CD6: variants seen among roughly 807,000 people sequenced by gnomAD.
CD6 encodes the protein T-cell differentiation antigen CD6.
In CD6, 53 loss-of-function variants were observed where a neutral mutation model predicts 75.3. The observed-to-expected ratio is 0.70, with a 90% CI of 0.56 to 0.88. The LOEUF (loss-of-function observed/expected upper bound fraction) is 0.88. Among genes scored for constraint, CD6 ranks in the 40% least tolerant of loss-of-function variants. The pLI is 0.00. For synonymous variants in CD6, 359 were observed against 381.5 expected (o/e 0.94, Z 0.69); for missense variants, 770 against 897.1 (o/e 0.86, Z 1.81).
chr11:61,017,658 C>G, intron 10 of CD6, 101 bp from the exon 11 acceptor site: 2 of 1,584,624 alleles, frequency 1.3e-6, no homozygotes, highest in Non-Finnish European at 1.7e-6. Context: ...TCTTTCCTGA[C>G]TTTCACAAAT....
At chr11:61,005,087 C>T (rs755991986) in intron 1 of CD6, among the ~76,000 whole-genome samples, 11 of 152,222 alleles carry the variant, frequency 7.2e-5, no homozygotes, top group South Asian at 2.1e-4. Flanking sequence ...AGTTTAAATC[C>T]GGGCTCTGCA....
intron 1 of CD6, among the ~76,000 whole-genome samples, chr11:60,992,332 CTT>C (rs35718014): frequency 1.4e-5 from 2 of 146,064 alleles, no homozygotes. Context: ...GCTTGTGAGG[CTT>C]TTTTTTTTTA....
At chr11:60,990,423 C>T (rs1858014340) in intron 1 of CD6, among the ~76,000 whole-genome samples, 2 of 152,082 alleles carry the variant, frequency 1.3e-5, no homozygotes, top group South Asian at 2.1e-4. Context: ...GGGGTTTCAC[C>T]ATGTTGGTCA....
intron 1 of CD6, among the ~76,000 whole-genome samples, chr11:60,988,203 G>A (rs1857905864): frequency 6.6e-6 from 1 of 152,232 alleles, no homozygotes; most frequent in African/African-American, 2.4e-5. Context: ...AGCCTTCACA[G>A]GCTCCTCATG....
rs1859573127 is a variant in CD6 at position 61,019,397 on chromosome 11, C to G, written c.*79C>G. 2 of 1,135,698 alleles carry G rather than the reference C, an allele frequency of 1.8e-6. No homozygotes were observed. The highest frequency in any genetic ancestry group is 2.5e-6 in the Non-Finnish European group (2 of 789,426). The allele number at this position is 1,135,698 out of a possible 1,614,324, so 70.4% of individuals were successfully genotyped here. A position where few individuals can be genotyped will look rare whatever the true frequency, so the allele number is the denominator to read the frequency against. On this transcript the variant is annotated 3_prime_UTR_variant, in exon 13 of 13. Transcript: ENST00000313421. ...TACCTACTCCCTTTCCCCTTTCCCA[C>G]CCTCCCAGCTCACCTCCCCATGGAG...
rs1189918022 is a variant in CD6 at position 60,971,813 on chromosome 11, A to G, written c.-53A>G. 43 of 1,597,510 alleles carry G rather than the reference A, an allele frequency of 2.7e-5. No homozygotes were observed. Among genetic ancestry groups the G allele is most frequent in the Admixed American group, 3.4e-5 (2 of 59,240 alleles). On this transcript the variant is annotated 5_prime_UTR_variant, in exon 1 of 13. Transcript: ENST00000313421. ...CGGCCGTGTCCACCTCCCGGCCCCAAGATGGTGCTTCCCACAGGCAGCCAC... is the reference window on the plus strand; with the variant it reads ...CGGCCGTGTCCACCTCCCGGCCCCAGGATGGTGCTTCCCACAGGCAGCCAC...
At chr11:60,993,529 C>T (rs567753530) in intron 1 of CD6, among the ~76,000 whole-genome samples, 2 of 145,538 alleles carry the variant, frequency 1.4e-5, no homozygotes, top group Admixed American at 6.9e-5. Flanking sequence ...ATCACCCACC[C>T]GTGCACTCTT....
At chr11:60,990,048 T>C (rs1298883917) in intron 1 of CD6, among the ~76,000 whole-genome samples, 3 of 152,194 alleles carry the variant, frequency 2.0e-5, no homozygotes, top group African/African-American at 7.2e-5. Flanking sequence ...ACTAAAATTT[T>C]ATTTAGTAAA....
chr11:60,994,105 C>T (rs920951841), intron 1 of CD6, among the ~76,000 whole-genome samples: 1 of 152,084 alleles, frequency 6.6e-6, no homozygotes, highest in African/African-American at 2.4e-5. Context: ...CACAGGTGAA[C>T]ATCATCTGTC....
At chr11:61,016,462 G>T (rs1313471823) in intron 9 of CD6, among the ~76,000 whole-genome samples, 3 of 152,250 alleles carry the variant, frequency 2.0e-5, no homozygotes. Flanking sequence ...TTATCAGTCA[G>T]GATGAGAATT....
Position 61,020,086 on chromosome 11 carries a change from C to T in CD6, c.*768C>T. 2.5e-6 allele frequency: 1 copy of T among 398,578 alleles called. No individual in the cohort carries two copies. Among genetic ancestry groups the T allele is most frequent in the Non-Finnish European group, 4.4e-6 (1 of 226,136 alleles). 24.7% of individuals were successfully genotyped at this position (398,578 alleles called of 1,614,324 possible). A position where few individuals can be genotyped will look rare whatever the true frequency, so the allele number is the denominator to read the frequency against. On this transcript the variant is annotated 3_prime_UTR_variant, in exon 13 of 13. Coordinates refer to ENST00000313421, the MANE Select transcript of CD6 (RefSeq NM_006725.5). ...AGTTTCCTATGGTTTACAAAGAGGG[C>T]CCCAGCCCAGCCCCACCACAGATCC...
intron 9 of CD6, 72 bp from the exon 10 acceptor site, chr11:61,017,407 C>T: frequency 2.4e-6 from 3 of 1,254,816 alleles, no homozygotes; most frequent in South Asian, 2.5e-5. Context: ...CCGGGAAATC[C>T]AGCCTCTTCT....
At chr11:60,994,465 A>AAAAAAAAAAAAAAAAAAAAC (rs1554993198) in intron 1 of CD6, among the ~76,000 whole-genome samples, 1 of 138,394 alleles carries the variant, frequency 7.2e-6, no homozygotes, top group Non-Finnish European at 1.6e-5. Context: ...GCCAAAAAAA[A>AAAAAAAAAAAAAAAAAAAAC]AAAAAAGCTG....
At chr11:61,017,151 CCTT>C (rs35313211) in intron 9 of CD6, 61,283 of 326,856 alleles carry the variant, frequency 0.19, 6,752 homozygotes, top group Middle Eastern at 0.24. Context: ...AAACATCTGT[CCTT>C]CTCCTGCCCA....
intron 1 of CD6, among the ~76,000 whole-genome samples, chr11:60,973,242 C>T (rs1312438051): frequency 6.6e-6 from 1 of 152,232 alleles, no homozygotes; most frequent in East Asian, 1.9e-4. Flanking sequence ...GCCTTGGCAG[C>T]TGGCCCAGCA....
At chr11:61,015,503 C>A in intron 8 of CD6, 1 of 554,246 alleles carries the variant, frequency 1.8e-6, no homozygotes, top group South Asian at 2.6e-5. Flanking sequence ...CCCAGGAGGT[C>A]AATGCTGCAG....
At chr11:60,973,403 C>T (rs949394696) in intron 1 of CD6, among the ~76,000 whole-genome samples, 1 of 152,218 alleles carries the variant, frequency 6.6e-6, no homozygotes, top group African/African-American at 2.4e-5. Flanking sequence ...TCTTGCCCGA[C>T]CTGCTCCTTC....
chr11:60,985,126 G>A (rs1857750527), intron 1 of CD6: 1 of 143,408 alleles, frequency 7.0e-6, no homozygotes, highest in African/African-American at 2.6e-5. Flanking sequence ...AATCTTCTCT[G>A]TATTGTTCCA....
Position 60,996,280 on chromosome 11 carries a change from A to G in CD6, c.50-10294A>G, listed in dbSNP as rs911925599. ...GTGCCTTGGGGCCTCCCCTTTCCCT[A>G]TCAGAGCAGTGGGAAGCATCACAAC... On this transcript the variant is annotated intron_variant, in intron 1 of 12. Transcript: ENST00000313421. 2.6e-5 allele frequency among the ~76,000 whole-genome samples: 4 copies of G among 151,938 alleles called. No homozygotes were observed. In the South Asian group the frequency reaches 8.3e-4, roughly 32 times the overall value.
Sources: gnomAD v4.1 joint callset for allele counts (sites outside exome capture counted in the v4.1 genomes callset) on GRCh38, gnomAD v4.1.1 for gene constraint, MANE v1.5 for transcripts, NCBI Gene and HGNC (gene_info 2026-07-23, HGNC 2026-07-21) for gene names.